TAF4B: variants seen among roughly 807,000 people sequenced by gnomAD.
The protein encoded by TAF4B is transcription initiation factor TFIID subunit 4B.
In TAF4B, 38 loss-of-function variants were observed where a neutral mutation model predicts 86.4. That is an observed-to-expected ratio of 0.44 (90% CI 0.34 to 0.58). The LOEUF is 0.58. Ranked by LOEUF, TAF4B falls within the 20% of genes least tolerant of loss-of-function variation. The pLI is 0.02. For missense variants in TAF4B, 988 were observed against 1,027.6 expected (o/e 0.96, Z 0.53); for synonymous variants, 388 against 391.2 (o/e 0.99, Z 0.10).
At chr18:26,385,902 A>G (rs976759687) in intron 14 of TAF4B, among the ~76,000 whole-genome samples, 7 of 152,110 alleles carry the variant, frequency 4.6e-5, no homozygotes, top group African/African-American at 1.7e-4. Context: ...TTGACTGTGG[A>G]TAACTGAGAG....
chr18:26,357,831 C>A, intron 14 of TAF4B, 37 bp downstream of exon 14: 1 of 1,482,536 alleles, frequency 6.7e-7, no homozygotes, highest in Non-Finnish European at 9.3e-7. Context: ...TTTTTAATGT[C>A]AAGAAAGCAA....
Position 26,257,235 on chromosome 18 carries a change from T to C in TAF4B, c.344-7935T>C, listed in dbSNP as rs374137800. The stretch of plus-strand genomic sequence containing the variant: ...TATTTTTCCTTTTATCACTTTTTGC[T>C]TCATGTATTTTAGGCTCTGTGTGTG... On this transcript the variant is annotated intron_variant, in intron 1 of 14. Transcript: ENST00000269142. Among the ~76,000 whole-genome samples, 17 of 152,344 alleles carry C rather than the reference T, an allele frequency of 1.1e-4. No individual in the cohort carries two copies. The East Asian group carries it at 2.3e-3, about 21-fold the overall frequency.
chr18:26,342,454 T>A (rs2057144150), intron 13 of TAF4B, among the ~76,000 whole-genome samples: 1 of 152,240 alleles, frequency 6.6e-6, no homozygotes, highest in Admixed American at 6.5e-5. Context: ...TTCTGCTTAA[T>A]CTTTTGGTTT....
chr18:26,324,679 T>G (rs2056990399), intron 11 of TAF4B, among the ~76,000 whole-genome samples: 2 of 152,212 alleles, frequency 1.3e-5, no homozygotes, highest in African/African-American at 4.8e-5. Context: ...CCTGCTGTCT[T>G]GTATACTACC....
At chr18:26,250,885 G>A (rs1282973990) in intron 1 of TAF4B, among the ~76,000 whole-genome samples, 1 of 152,194 alleles carries the variant, frequency 6.6e-6, no homozygotes, top group Non-Finnish European at 1.5e-5. Flanking sequence ...TGTGTAAATG[G>A]AGGATAGGGG....
chr18:26,321,277 C>T, intron 11 of TAF4B, 77 bp downstream of exon 11: 1 of 1,495,990 alleles, frequency 6.7e-7, no homozygotes, highest in Non-Finnish European at 9.2e-7. Context: ...ATATTCTAAA[C>T]ACGTTTTTAA....
At chr18:26,276,015 C>CAAA (rs374826135) in intron 5 of TAF4B, among the ~76,000 whole-genome samples, 1 of 75,926 alleles carries the variant, frequency 1.3e-5, no homozygotes, top group Admixed American at 1.5e-4. Context: ...GACTCTGTCT[C>CAAA]AAAAAAAAAA....
intron 13 of TAF4B, among the ~76,000 whole-genome samples, chr18:26,349,265 C>G (rs1738698123): frequency 6.6e-6 from 1 of 152,112 alleles, no homozygotes; most frequent in Non-Finnish European, 1.5e-5. Context: ...GTTCCTTCTT[C>G]TTTCCCCTTC....
At chr18:26,324,364 G>C (rs540432301) in intron 11 of TAF4B, among the ~76,000 whole-genome samples, 2 of 152,022 alleles carry the variant, frequency 1.3e-5, no homozygotes, top group Non-Finnish European at 2.9e-5. Flanking sequence ...CACCCGCCTC[G>C]GCCTCCCAAA....
At chr18:26,379,417 A>G (rs1463613134) in intron 14 of TAF4B, among the ~76,000 whole-genome samples, 1 of 152,074 alleles carries the variant, frequency 6.6e-6, no homozygotes, top group Non-Finnish European at 1.5e-5. Flanking sequence ...ATTTTTTCAC[A>G]TACAGGTATC....
intron 10 of TAF4B, among the ~76,000 whole-genome samples, chr18:26,316,387 CTTCT>C (rs2056912138): frequency 6.8e-6 from 1 of 147,692 alleles, no homozygotes; most frequent in Non-Finnish European, 1.5e-5. Context: ...TCTTCTTCTT[CTTCT>C]TTTTTTTTTC....
At chr18:26,334,277 T>A (rs2057073691) in intron 12 of TAF4B, among the ~76,000 whole-genome samples, 1 of 152,138 alleles carries the variant, frequency 6.6e-6, no homozygotes, top group Non-Finnish European at 1.5e-5. Flanking sequence ...TTCTGGTAAA[T>A]CAATAAATGT....
At chr18:26,286,683 C>CA (rs2056528332) in intron 7 of TAF4B, among the ~76,000 whole-genome samples, 184 bp downstream of exon 7, 2 of 151,370 alleles carry the variant, frequency 1.3e-5, no homozygotes, top group Admixed American at 1.3e-4. Flanking sequence ...CACAAACACA[C>CA]ATATAAGTCC....
chr18:26,368,906 C>T (rs1260916899), intron 14 of TAF4B, among the ~76,000 whole-genome samples: 1 of 152,102 alleles, frequency 6.6e-6, no homozygotes, highest in Non-Finnish European at 1.5e-5. Context: ...ATTGGCTTAT[C>T]ATTTTTTCAC....
chr18:26,358,884 T>C (rs2057309976), intron 14 of TAF4B, among the ~76,000 whole-genome samples: 1 of 152,206 alleles, frequency 6.6e-6, no homozygotes, highest in Non-Finnish European at 1.5e-5. Context: ...CTTCCTACCA[T>C]TGTTGATCCT....
chr18:26,275,042 G>C lies in TAF4B; in HGVS notation c.871G>C (p.Glu291Gln). 1.2e-6 allele frequency: 2 copies of C among 1,609,760 alleles called. No individual in the cohort carries two copies. The highest frequency in any genetic ancestry group is 1.7e-6 in the Non-Finnish European group (2 of 1,179,332). ...GGGGCAAAATGTGAAGAAGCTGGTG[G>C]AACAACTTTTGGTAAGTAGTGCTAT... ...EMGQNVKKLVEQLLDAKIEAE... is the reference protein window; with the variant it reads ...EMGQNVKKLVQQLLDAKIEAE... Residue 291 changes from glutamate to glutamine, a missense_variant, in exon 5 of 15, where the codon GAA (glutamate) becomes CAA (glutamine). Physicochemically the swap from Glu to Gln is conservative, Grantham distance 29 (BLOSUM62 2). This residue lies in a region of TAF4B where 747 missense variants were observed against 737.9 expected (regional missense o/e 1.01). Coordinates refer to ENST00000269142, the MANE Select transcript of TAF4B (RefSeq NM_005640.3).
chr18:26,297,251 CAA>C (rs1176592905), intron 9 of TAF4B, among the ~76,000 whole-genome samples: 3 of 151,650 alleles, frequency 2.0e-5, no homozygotes, highest in Non-Finnish European at 4.4e-5. Context: ...GTCCGAAGAA[CAA>C]AGAGAAGGCT....
intron 9 of TAF4B, among the ~76,000 whole-genome samples, chr18:26,305,335 A>T (rs1424825185): frequency 6.6e-6 from 1 of 152,228 alleles, no homozygotes; most frequent in Non-Finnish European, 1.5e-5. Context: ...CTTATTTGCA[A>T]TGCCACCTTT....
rs1320092214 is a variant in TAF4B, at chr18:26,286,141, C to T, written c.1232C>T (p.Thr411Ile). The T allele has an allele frequency of 1.2e-6, 2 of 1,614,212 alleles. No individual in the cohort carries two copies. Among genetic ancestry groups the T allele is most frequent in the Non-Finnish European group, 8.5e-7 (1 of 1,180,024 alleles). Residue 411 changes from threonine (T) to isoleucine (I), a missense_variant, in exon 7 of 15, where the codon ACA (threonine) becomes ATA (isoleucine). By Grantham distance (89) the Thr-to-Ile change is moderately conservative. Coordinates refer to ENST00000269142, the MANE Select transcript of TAF4B (RefSeq NM_005640.3). ...GTGGGAGCAAAAGCTGGAGTTGTGA[C>T]ACTTCATTCTGTGGGCCCAACTGCT... ...GPVGAKAGVVTLHSVGPTAAT... is the reference protein window; with the variant it reads ...GPVGAKAGVVILHSVGPTAAT...
Sources: allele counts gnomAD v4.1 joint callset (sites outside exome capture counted in the v4.1 genomes callset), GRCh38; gene constraint gnomAD v4.1.1; regional missense constraint gnomAD v4.1.1; transcripts MANE v1.5; gene names NCBI Gene and HGNC (gene_info 2026-07-23, HGNC 2026-07-21).